The following PAX5 variants were observed in gnomAD, a reference collection of about 807,000 sequenced individuals.
PAX5 encodes the protein paired box protein Pax-5.
In PAX5, 9 loss-of-function variants were observed where a neutral mutation model predicts 43.7. The ratio of observed to expected loss-of-function variants is 0.21; its 90% CI spans 0.12 to 0.36. The LOEUF (loss-of-function observed/expected upper bound fraction) is 0.36. Among genes scored for constraint, PAX5 ranks in the 10% least tolerant of loss-of-function variants. The pLI is 1.00. For missense variants in PAX5, 383 were observed against 532.7 expected, an observed-to-expected ratio of 0.72 and a Z score of 2.77; for synonymous variants, 228 against 214.3, an observed-to-expected ratio of 1.06 and a Z score of -0.56.
intron 1 of PAX5, among the ~76,000 whole-genome samples, chr9:37,023,113 A>G (rs971971006): frequency 1.1e-4 from 16 of 152,196 alleles, no homozygotes; most frequent in Admixed American, 6.5e-5. Context: ...AAGAGTGGGA[A>G]CTGAATGAGA....
chr9:36,968,960 T>C (rs766211469), intron 5 of PAX5, among the ~76,000 whole-genome samples: 20 of 152,166 alleles, frequency 1.3e-4, no homozygotes, highest in Non-Finnish European at 2.5e-4. Context: ...CCAGGAAAGA[T>C]GGCTCAGTTT....
At chr9:36,920,812 T>C (rs112303101) in intron 7 of PAX5, among the ~76,000 whole-genome samples, 8 of 145,178 alleles carry the variant, frequency 5.5e-5, no homozygotes, top group South Asian at 2.3e-4. Flanking sequence ...GCTTTTTTTT[T>C]TTTTTTTTTT....
chr9:36,923,644 G>C (rs1038612551), intron 6 of PAX5, among the ~76,000 whole-genome samples, 160 bp from the exon 7 acceptor site: 2 of 152,236 alleles, frequency 1.3e-5, no homozygotes, highest in Non-Finnish European at 2.9e-5. Flanking sequence ...AAAGGGCAGA[G>C]TCAGCTTGGT....
At chr9:37,010,138 C>T (rs1838801215) in intron 3 of PAX5, among the ~76,000 whole-genome samples, 1 of 152,212 alleles carries the variant, frequency 6.6e-6, no homozygotes, top group South Asian at 2.1e-4. Context: ...ATATGACAGG[C>T]TGTCAAGACT....
chr9:36,887,518 T>TA (rs911256247), intron 7 of PAX5, among the ~76,000 whole-genome samples: 1 of 152,148 alleles, frequency 6.6e-6, no homozygotes, highest in Non-Finnish European at 1.5e-5. Flanking sequence ...GAAATAAATG[T>TA]AAAAAAATAA....
chr9:36,878,441 G>C (rs753019082), intron 8 of PAX5, among the ~76,000 whole-genome samples: 1 of 152,224 alleles, frequency 6.6e-6, no homozygotes, highest in Non-Finnish European at 1.5e-5. Flanking sequence ...CCAGAGGGGG[G>C]GCCATCTGGG....
At chr9:36,973,130 GA>G (rs1835099059) in intron 5 of PAX5, among the ~76,000 whole-genome samples, 1 of 81,940 alleles carries the variant, frequency 1.2e-5, no homozygotes, top group Non-Finnish European at 2.4e-5. Context: ...GAAAGGAAAG[GA>G]AAGAAAAGGA....
chr9:36,915,185 A>G (rs1829636356), intron 7 of PAX5, among the ~76,000 whole-genome samples: 2 of 152,232 alleles, frequency 1.3e-5, no homozygotes, highest in Non-Finnish European at 2.9e-5. Context: ...AAGTACGTAT[A>G]AAAGTTCTGA....
chr9:36,855,201 G>A (rs1470541496), intron 8 of PAX5, among the ~76,000 whole-genome samples: 1 of 152,254 alleles, frequency 6.6e-6, no homozygotes, highest in African/African-American at 2.4e-5. Flanking sequence ...CAAGAGCTGG[G>A]GGCCTCGAGA....
In PAX5 at chr9:36,946,892, A is replaced by C. The variant is rs763452851; in HGVS notation, c.780+19657T>G. Among the ~76,000 whole-genome samples, 164 of 152,100 alleles carry C rather than the reference A, an allele frequency of 1.1e-3. 4 individuals carry two copies. The highest frequency in any genetic ancestry group is 2.2e-4 in the Non-Finnish European group (15 of 68,014). ...TCCTAACCCCCAAGCCACAGTGTAA[A>C]ATGATGACTCAGCCACGTGCAGGGC... On this transcript the variant is annotated intron_variant, in intron 6 of 9. Transcript: ENST00000358127.
chr9:36,957,276 C>T (rs1162444034), intron 6 of PAX5, among the ~76,000 whole-genome samples: 1 of 152,236 alleles, frequency 6.6e-6, no homozygotes, highest in African/African-American at 2.4e-5. Flanking sequence ...GTCTGCTCTA[C>T]AGGGCAGTCA....
rs138009049 is a variant in PAX5 at position 36,952,234 on chromosome 9, C to CTTTTTTTTTTTT, written c.780+14303_780+14314dup. On this transcript the variant is annotated intron_variant, in intron 6 of 9. Coordinates refer to ENST00000358127, the MANE Select transcript of PAX5 (RefSeq NM_016734.3). Reference sequence around the variant, plus strand: ...TTTTTAATATGCTCTGACCATCTCCCTTTTTTTTTTTTTTTTTTTTTTTGA... The same window carrying CTTTTTTTTTTTT: ...TTTTTAATATGCTCTGACCATCTCCCTTTTTTTTTTTTTTTTTTTTTTTTTTTTTTTTTTTGA... 4.4e-4 allele frequency among the ~76,000 whole-genome samples: 29 copies of CTTTTTTTTTTTT among 66,664 alleles called. 7 individuals are homozygous for CTTTTTTTTTTTT. Among genetic ancestry groups the CTTTTTTTTTTTT allele is most frequent in the South Asian group, 2.2e-3 (3 of 1,384 alleles). The allele number at this position is 66,664 out of a possible 152,430, so 43.7% of individuals were successfully genotyped here.
chr9:37,003,169 A>AAAAAAAC (rs1838078399), intron 4 of PAX5, among the ~76,000 whole-genome samples: 1 of 149,356 alleles, frequency 6.7e-6, no homozygotes. Flanking sequence ...AAAAAAAAAA[A>AAAAAAAC]AAAAAAAAAA....
chr9:36,973,867 G>A (rs1490541587), intron 5 of PAX5, among the ~76,000 whole-genome samples: 1 of 152,178 alleles, frequency 6.6e-6, no homozygotes, highest in Non-Finnish European at 1.5e-5. Flanking sequence ...TTAGCCAGGT[G>A]TGGTGGCACA....
At chr9:36,886,426 C>G (rs1441729047) in intron 7 of PAX5, among the ~76,000 whole-genome samples, 2 of 152,158 alleles carry the variant, frequency 1.3e-5, no homozygotes, top group Non-Finnish European at 2.9e-5. Flanking sequence ...CTCTGAGGCC[C>G]ATCAGAACTC....
At chr9:37,014,080 CAG>C (rs1839189464) in intron 3 of PAX5, among the ~76,000 whole-genome samples, 1 of 152,238 alleles carries the variant, frequency 6.6e-6, no homozygotes. Context: ...CTTTTCTCTG[CAG>C]AGTTTAGAGA....
intron 6 of PAX5, among the ~76,000 whole-genome samples, chr9:36,938,274 G>T (rs1010889913): frequency 6.6e-6 from 1 of 151,996 alleles, no homozygotes. Context: ...ATTATTTTTC[G>T]TGCTAATACC....
chr9:36,997,022 G>C (rs1034673608), intron 5 of PAX5, among the ~76,000 whole-genome samples: 5 of 152,144 alleles, frequency 3.3e-5, no homozygotes, highest in Admixed American at 3.3e-4. Context: ...AAATAACACA[G>C]AATGAGATGC....
intron 8 of PAX5, among the ~76,000 whole-genome samples, chr9:36,855,510 C>CA (rs1046660670): frequency 3.9e-5 from 6 of 152,090 alleles, no homozygotes; most frequent in Non-Finnish European, 7.4e-5. Flanking sequence ...AAATGACCCC[C>CA]CTGAAGCCTC....
Sources: allele counts gnomAD v4.1 joint callset (sites outside exome capture counted in the v4.1 genomes callset), GRCh38; gene constraint gnomAD v4.1.1; transcripts MANE v1.5; gene names NCBI Gene and HGNC (gene_info 2026-07-23, HGNC 2026-07-21).